Variants in DTNB observed in about 807,000 individuals in gnomAD.
DTNB encodes dystrobrevin beta, also known as DTN-B.
Under a neutral mutation model 90.7 loss-of-function variants are expected in DTNB, and 63 were observed. The observed-to-expected ratio is 0.69, with a 90% confidence interval of 0.57 to 0.86. DTNB has a LOEUF of 0.86. Among genes scored for constraint, DTNB ranks in the 40% least tolerant of loss-of-function variants. DTNB has a pLI of 0.00. For synonymous variants in DTNB, 277 were observed against 286.7 expected (o/e 0.97, Z 0.34); for missense variants, 744 against 807.1 (o/e 0.92, Z 0.95).
At chr2:25,456,953 CATTAGACCTT>C (rs2060132395) in intron 10 of DTNB, among the ~76,000 whole-genome samples, 1 of 152,090 alleles carries the variant, frequency 6.6e-6, no homozygotes, top group Admixed American at 6.6e-5. Flanking sequence ...TTGATATAAC[CATTAGACCTT>C]ATTAGCTTTC....
At chr2:25,627,593 G>A (rs1010508588) in intron 4 of DTNB, among the ~76,000 whole-genome samples, 1 of 151,950 alleles carries the variant, frequency 6.6e-6, no homozygotes, top group African/African-American at 2.4e-5. Flanking sequence ...GAGGACAGCT[G>A]TATTAAGGTA....
At chr2:25,639,148 C>A in intron 2 of DTNB, 54 bp from the exon 3 acceptor site, 3 of 1,491,852 alleles carry the variant, frequency 2.0e-6, no homozygotes, top group Non-Finnish European at 2.7e-6. Flanking sequence ...AGTTTCCAAA[C>A]GCTAGGAAAT....
At chr2:25,527,015 G>A (rs2077309440) in intron 9 of DTNB, among the ~76,000 whole-genome samples, 1 of 152,040 alleles carries the variant, frequency 6.6e-6, no homozygotes, top group African/African-American at 2.4e-5. Flanking sequence ...ACCTCTATAT[G>A]TTTGGAAATT....
At chr2:25,397,209 C>A (rs1244623044) in intron 16 of DTNB, among the ~76,000 whole-genome samples, 1 of 151,564 alleles carries the variant, frequency 6.6e-6, no homozygotes, top group African/African-American at 2.4e-5. Flanking sequence ...AAAGTAAAAA[C>A]AATTCAAATG....
chr2:25,461,132 G>A lies in DTNB; in HGVS notation c.1080-5638C>T, dbSNP rs559855262. ...TTGGCCAGGCTGGTCTTGTACTCCC[G>A]ACCTTAGGTGATCCGCCCGCCTTGG... On this transcript the variant is annotated intron_variant, in intron 10 of 20. Coordinates refer to ENST00000406818, the MANE Select transcript of DTNB (RefSeq NM_021907.5). Among the ~76,000 whole-genome samples, 208 of 152,300 alleles carry A rather than the reference G, an allele frequency of 1.4e-3. 3 individuals are homozygous for A. Among genetic ancestry groups the A allele is most frequent in the Middle Eastern group, 0.014 (4 of 294 alleles).
At chr2:25,509,641 A>G (rs2073449878) in intron 9 of DTNB, among the ~76,000 whole-genome samples, 1 of 151,028 alleles carries the variant, frequency 6.6e-6, no homozygotes, top group Non-Finnish European at 1.5e-5. Flanking sequence ...TGAAATTGTC[A>G]ATTCTTTGTA....
intron 1 of DTNB, among the ~76,000 whole-genome samples, chr2:25,656,584 C>T (rs530242206): frequency 3.3e-5 from 5 of 152,312 alleles, no homozygotes; most frequent in South Asian, 4.1e-4. Context: ...CTCATAATCA[C>T]GCTCATATCC....
intron 16 of DTNB, among the ~76,000 whole-genome samples, chr2:25,399,054 G>T (rs1404992913): frequency 6.6e-6 from 1 of 152,142 alleles, no homozygotes; most frequent in African/African-American, 2.4e-5. Context: ...AGTCGTCAGT[G>T]AATCTTTTCT....
chr2:25,519,821 G>T (rs1490070848), intron 9 of DTNB, among the ~76,000 whole-genome samples: 1 of 152,104 alleles, frequency 6.6e-6, no homozygotes, highest in African/African-American at 2.4e-5. Context: ...TACCTAGAAT[G>T]AATCTGATAC....
At chr2:25,590,359 G>A (rs2063325395) in intron 6 of DTNB, among the ~76,000 whole-genome samples, 1 of 152,216 alleles carries the variant, frequency 6.6e-6, no homozygotes, top group African/African-American at 2.4e-5. Flanking sequence ...GAAAAGTGGA[G>A]GGTAAGCAAG....
Position 25,628,290 on chromosome 2 carries a change from G to A in DTNB, c.243C>T (p.Leu81=), listed in dbSNP as rs541942564. 8.1e-6 allele frequency: 13 copies of A among 1,613,438 alleles called. No individual in the cohort carries two copies. Among genetic ancestry groups the A allele is most frequent in the East Asian group, 4.5e-5 (2 of 44,844 alleles). ...DHTTEISVSR[L]ETVISSIYYQ... is the part of the protein sequence containing the mutation. ...AGTAGATGGAGGAGATGACAGTTTC[G>A]AGGCGGGACACACTGATCTCGGTGG... is the stretch of plus-strand genomic sequence containing the variant. The change falls in exon 4 of 21, where the codon CTC becomes CTT. Residue 81 remains leucine (L), a synonymous_variant. Coordinates refer to ENST00000406818, the MANE Select transcript of DTNB (RefSeq NM_021907.5).
chr2:25,505,038 A>T (rs992483904), intron 9 of DTNB, among the ~76,000 whole-genome samples: 1 of 152,238 alleles, frequency 6.6e-6, no homozygotes, highest in Non-Finnish European at 1.5e-5. Flanking sequence ...TACTCTCTCC[A>T]GTGACAAATA....
chr2:25,649,966 C>G (rs531022371), intron 2 of DTNB: 1 of 967,920 alleles, frequency 1.0e-6, no homozygotes, highest in East Asian at 1.1e-4. Flanking sequence ...ACACTATAGT[C>G]ACCCATGCAA....
At chr2:25,560,415 C>T (rs1259477522) in intron 8 of DTNB, among the ~76,000 whole-genome samples, 1 of 152,046 alleles carries the variant, frequency 6.6e-6, no homozygotes, top group Non-Finnish European at 1.5e-5. Context: ...TGTGGATGAC[C>T]CTCACCCAAT....
intron 8 of DTNB, among the ~76,000 whole-genome samples, chr2:25,545,128 T>C (rs1301347092): frequency 6.6e-6 from 1 of 152,208 alleles, no homozygotes; most frequent in Non-Finnish European, 1.5e-5. Flanking sequence ...TACCCTAATT[T>C]TCACTTGAAC....
chr2:25,554,800 T>C (rs2056993206), intron 8 of DTNB, among the ~76,000 whole-genome samples: 1 of 152,180 alleles, frequency 6.6e-6, no homozygotes, highest in African/African-American at 2.4e-5. Context: ...CATGATGCTA[T>C]TTTGATGAAG....
At chr2:25,548,587 T>C (rs1285955554) in intron 8 of DTNB, among the ~76,000 whole-genome samples, 1 of 151,806 alleles carries the variant, frequency 6.6e-6, no homozygotes, top group Admixed American at 6.6e-5. Context: ...GTTTGCCTGG[T>C]GTGTTGAAAG....
intron 15 of DTNB, among the ~76,000 whole-genome samples, chr2:25,419,747 A>G (rs1439207265): frequency 6.6e-6 from 1 of 152,106 alleles, no homozygotes; most frequent in Non-Finnish European, 1.5e-5. Flanking sequence ...GAGTGATTCA[A>G]TGCTAACTCC....
chr2:25,577,028 G>C (rs1406331871), intron 7 of DTNB, 24 bp from the exon 8 acceptor site: 6 of 1,561,248 alleles, frequency 3.8e-6, no homozygotes, highest in African/African-American at 1.4e-5. Flanking sequence ...GAGAAAAGGG[G>C]AGAAAAAAGG....
Sources: gnomAD v4.1 joint callset for allele counts (sites outside exome capture counted in the v4.1 genomes callset) on GRCh38, gnomAD v4.1.1 for gene constraint, MANE v1.5 for transcripts, NCBI Gene and HGNC (gene_info 2026-07-23, HGNC 2026-07-21) for gene names.